The following AGBL1 variants were observed in gnomAD, a reference collection of about 807,000 sequenced individuals.
AGBL1 encodes the protein AGBL carboxypeptidase 1.
AGBL1 carries 130 observed loss-of-function variants against 118.9 expected under a neutral mutation model. The observed-to-expected ratio is 1.09, with a 90% confidence interval of 0.95 to 1.26. The LOEUF (loss-of-function observed/expected upper bound fraction) is 1.26, where lower values mean the gene tolerates loss of function less well. Among genes scored for constraint, AGBL1 ranks in the 50% most tolerant of loss-of-function variants. The pLI, the probability that AGBL1 is intolerant of heterozygous loss-of-function variation, is 0.00. For missense variants in AGBL1, 1,584 were observed against 1,298.1 expected (o/e 1.22, Z -3.38); for synonymous variants, 555 against 478.9 (o/e 1.16, Z -2.08).
rs1314014304 is a variant in AGBL1, at chr15:86,513,135, T to C, written c.2556-9675T>C. Among the ~76,000 whole-genome samples the C allele has an allele frequency of 3.9e-5, 6 of 152,116 alleles. No homozygotes were observed. In the East Asian group the frequency reaches 9.6e-4, roughly 24 times the overall value. On this transcript the variant is annotated intron_variant, in intron 18 of 22. Transcript: ENST00000614907. ...ATATACTAGTATTAATTACATACATTATTCAGATTTCACCAATCATTCCAA... is the reference window on the plus strand; with the variant it reads ...ATATACTAGTATTAATTACATACATCATTCAGATTTCACCAATCATTCCAA...
chr15:86,256,227 A>G (rs1030529248), intron 7 of AGBL1, among the ~76,000 whole-genome samples: 1 of 152,240 alleles, frequency 6.6e-6, no homozygotes, highest in African/African-American at 2.4e-5. Context: ...TTCCATCAGT[A>G]TCAAAATGTT....
intron 5 of AGBL1, among the ~76,000 whole-genome samples, chr15:86,220,614 G>A (rs536849775): frequency 3.9e-5 from 6 of 152,312 alleles, no homozygotes; most frequent in South Asian, 4.1e-4. Flanking sequence ...GAGAGTGGAC[G>A]TGAACTGTGA....
chr15:86,991,417 T>C (rs1024440010), intron 24 of AGBL1, among the ~76,000 whole-genome samples: 2 of 152,060 alleles, frequency 1.3e-5, no homozygotes, highest in Non-Finnish European at 2.9e-5. Context: ...GCCCCTTATG[T>C]ACTTTTTGTT....
intron 22 of AGBL1, among the ~76,000 whole-genome samples, chr15:86,793,788 A>G (rs2078531670): frequency 1.3e-5 from 2 of 152,218 alleles, no homozygotes; most frequent in African/African-American, 2.4e-5. Context: ...AAAAATTACG[A>G]AAGTCTTGAG....
intron 22 of AGBL1, among the ~76,000 whole-genome samples, chr15:86,784,438 T>C (rs2078377670): frequency 6.6e-6 from 1 of 152,212 alleles, no homozygotes; most frequent in Admixed American, 6.5e-5. Flanking sequence ...TTTTCGGATT[T>C]TACTGTGAAT....
intron 1 of AGBL1, among the ~76,000 whole-genome samples, chr15:86,125,824 G>C (rs1322942761): frequency 6.6e-6 from 1 of 152,190 alleles, no homozygotes; most frequent in East Asian, 1.9e-4. Context: ...CGGAAAACAG[G>C]CATGAAACAA....
At chr15:86,188,404 CAT>C (rs1416005900) in intron 5 of AGBL1, among the ~76,000 whole-genome samples, 8 of 151,074 alleles carry the variant, frequency 5.3e-5, no homozygotes, top group Admixed American at 5.3e-4. Flanking sequence ...CTATAGAAAA[CAT>C]AAAAAAAAAG....
chr15:86,542,714 A>G (rs1277104149), intron 19 of AGBL1, among the ~76,000 whole-genome samples: 1 of 152,124 alleles, frequency 6.6e-6, no homozygotes, highest in Non-Finnish European at 1.5e-5. Flanking sequence ...CCTAGAGTAC[A>G]GAGGCCAAGT....
chr15:86,478,457 A>C (rs1404793085), intron 18 of AGBL1, among the ~76,000 whole-genome samples: 1 of 152,188 alleles, frequency 6.6e-6, no homozygotes, highest in Non-Finnish European at 1.5e-5. Flanking sequence ...CGGAGAGGCA[A>C]ATCATGAGTG....
At chr15:86,890,294 T>C (rs1344445553) in intron 22 of AGBL1, among the ~76,000 whole-genome samples, 1 of 152,208 alleles carries the variant, frequency 6.6e-6, no homozygotes, top group African/African-American at 2.4e-5. Flanking sequence ...TATTAGACAT[T>C]TGTCAGATGG....
intron 22 of AGBL1, among the ~76,000 whole-genome samples, chr15:86,752,415 C>A (rs1188734121): frequency 6.6e-6 from 1 of 152,076 alleles, no homozygotes. Flanking sequence ...AAAGACAAAG[C>A]CATTCATCTT....
At chr15:86,997,903 AC>A (rs2081394818) in intron 24 of AGBL1, among the ~76,000 whole-genome samples, 2 of 116,514 alleles carry the variant, frequency 1.7e-5, no homozygotes, top group East Asian at 4.2e-4. Context: ...ACACACACAC[AC>A]ACACACACAC....
At chr15:87,002,993 G>C (rs1036281986) in intron 24 of AGBL1, among the ~76,000 whole-genome samples, 1 of 152,070 alleles carries the variant, frequency 6.6e-6, no homozygotes, top group African/African-American at 2.4e-5. Flanking sequence ...TGATTGCCCT[G>C]GGCAGAACTT....
chr15:86,977,889 T>C (rs931626219), intron 23 of AGBL1, among the ~76,000 whole-genome samples: 18 of 152,128 alleles, frequency 1.2e-4, no homozygotes, highest in African/African-American at 3.9e-4. Flanking sequence ...TTTAGCTTGT[T>C]TATTAAGTTG....
chr15:86,685,891 A>G lies in AGBL1; in HGVS notation c.3158+11455A>G, dbSNP rs2086045083. On this transcript the variant is annotated intron_variant, in intron 22 of 22. Transcript: ENST00000614907. The stretch of plus-strand genomic sequence containing the variant: ...AGTCCATAAAATGTGATCTATATAA[A>G]TCACTGTTCTTTACCGAAGAGCTGA... 2.0e-5 allele frequency among the ~76,000 whole-genome samples: 3 copies of G among 152,178 alleles called. No homozygotes were observed. In the South Asian group the frequency reaches 6.2e-4, roughly 32 times the overall value.
intron 1 of AGBL1, chr15:86,088,371 C>G (rs1895802530): frequency 6.6e-6 from 1 of 152,222 alleles, no homozygotes; most frequent in African/African-American, 2.4e-5. Context: ...CAAACCATGC[C>G]TCTGGGTGCA....
intron 22 of AGBL1, among the ~76,000 whole-genome samples, chr15:86,687,691 A>G (rs955584020): frequency 2.0e-5 from 3 of 152,206 alleles, no homozygotes; most frequent in African/African-American, 7.2e-5. Flanking sequence ...GCTATGGAGT[A>G]GATTGATGGG....
chr15:86,616,397 A>G (rs1206420567), intron 21 of AGBL1, among the ~76,000 whole-genome samples: 1 of 151,466 alleles, frequency 6.6e-6, no homozygotes, highest in Non-Finnish European at 1.5e-5. Context: ...TTGTCGTTGG[A>G]TTAGATTGGT....
chr15:86,405,996 G>A (rs1596075039), intron 18 of AGBL1, among the ~76,000 whole-genome samples: 1 of 152,194 alleles, frequency 6.6e-6, no homozygotes, highest in Admixed American at 6.5e-5. Flanking sequence ...GGGCTTCAGT[G>A]CACAGCAGGC....
Sources: gnomAD v4.1 joint callset for allele counts (sites outside exome capture counted in the v4.1 genomes callset) on GRCh38, gnomAD v4.1.1 for gene constraint, MANE v1.5 for transcripts, NCBI Gene and HGNC (gene_info 2026-07-23, HGNC 2026-07-21) for gene names.